The following PLXNA4 variants were observed in gnomAD, a reference collection of about 807,000 sequenced individuals.
PLXNA4 encodes the protein plexin-A4.
Under a neutral mutation model 191.8 loss-of-function variants are expected in PLXNA4, and 44 were observed. The ratio of observed to expected loss-of-function variants is 0.23; its 90% CI spans 0.18 to 0.29. PLXNA4 has a LOEUF of 0.29. Ranked by LOEUF, PLXNA4 falls within the 10% of genes least tolerant of loss-of-function variation. The probability of loss-of-function intolerance (pLI) is 1.00; values close to 1 mark genes in which losing one functional copy is unlikely to be tolerated. For synonymous variants in PLXNA4, 1,082 were observed against 1,009.5 expected (o/e 1.07, Z -1.36); for missense variants, 1,800 against 2,488.8 (o/e 0.72, Z 5.89).
intron 21 of PLXNA4, among the ~76,000 whole-genome samples, chr7:132,171,410 A>G (rs1485382582): frequency 2.0e-5 from 3 of 152,154 alleles, no homozygotes; most frequent in Non-Finnish European, 4.4e-5. Flanking sequence ...ATCTTTCACC[A>G]TATCTAGCCC....
chr7:132,603,113 T>C (rs1014958310), intron 2 of PLXNA4, among the ~76,000 whole-genome samples: 10 of 152,204 alleles, frequency 6.6e-5, no homozygotes, highest in Admixed American at 2.0e-4. Flanking sequence ...TTCCTTTCCA[T>C]AGTATGTTTC....
chr7:132,172,529 T>A (rs1796319361), intron 21 of PLXNA4, among the ~76,000 whole-genome samples: 1 of 152,026 alleles, frequency 6.6e-6, no homozygotes, highest in Admixed American at 6.6e-5. Context: ...AATGGCTTGT[T>A]TCCATACTTA....
intron 3 of PLXNA4, among the ~76,000 whole-genome samples, chr7:132,487,905 G>A (rs569870329): frequency 2.8e-4 from 43 of 152,318 alleles, no homozygotes; most frequent in African/African-American, 1.0e-3. Flanking sequence ...TCACAGAACG[G>A]AGGTATGAAA....
chr7:132,333,930 G>A (rs1019249405), intron 3 of PLXNA4, among the ~76,000 whole-genome samples: 32 of 152,116 alleles, frequency 2.1e-4, no homozygotes, highest in African/African-American at 6.3e-4. Flanking sequence ...CTTCCTCTCC[G>A]GGGTCCTGGA....
chr7:132,389,876 C>T (rs1319979798), intron 3 of PLXNA4, among the ~76,000 whole-genome samples: 2 of 152,132 alleles, frequency 1.3e-5, no homozygotes, highest in Non-Finnish European at 2.9e-5. Flanking sequence ...GATACCATCT[C>T]ACACCAGTTA....
intron 3 of PLXNA4, among the ~76,000 whole-genome samples, chr7:132,481,203 G>A (rs1329363504): frequency 1.3e-5 from 2 of 152,052 alleles, no homozygotes; most frequent in South Asian, 2.1e-4. Context: ...GGATTAAAGA[G>A]GGGAAAATCA....
chr7:132,559,310 G>A (rs556338052), intron 1 of PLXNA4, among the ~76,000 whole-genome samples: 1 of 152,080 alleles, frequency 6.6e-6, no homozygotes, highest in African/African-American at 2.4e-5. Flanking sequence ...CACTTACCCT[G>A]CCCCCTGTTT....
At chr7:132,629,681 G>C (rs1206631346) in intron 2 of PLXNA4, among the ~76,000 whole-genome samples, 1 of 152,194 alleles carries the variant, frequency 6.6e-6, no homozygotes, top group Non-Finnish European at 1.5e-5. Context: ...TTAAACAACA[G>C]AAATTTATTT....
intron 3 of PLXNA4, among the ~76,000 whole-genome samples, chr7:132,316,548 T>C (rs777053683): frequency 6.6e-6 from 1 of 152,202 alleles, no homozygotes; most frequent in African/African-American, 2.4e-5. Context: ...AATAGCTTGG[T>C]GCCTCAAATT....
chr7:132,630,102 G>A lies in PLXNA4; in HGVS notation c.-87+15826C>T, dbSNP rs866432908. Among the ~76,000 whole-genome samples the A allele has an allele frequency of 3.9e-5, 6 of 152,120 alleles. No homozygotes were observed. The South Asian group carries it at 8.3e-4, about 21-fold the overall frequency. ...CCTGACCTTGTGATCCACCTGCCTCGGCCTCCCAAAGTGCTGGGATTACAG... is the reference window on the plus strand; with the variant it reads ...CCTGACCTTGTGATCCACCTGCCTCAGCCTCCCAAAGTGCTGGGATTACAG... On this transcript the variant is annotated intron_variant, in intron 2 of 4. Coordinates refer to the PLXNA4 transcript ENST00000378539.
At chr7:132,391,476 G>A (rs1805409201) in intron 3 of PLXNA4, among the ~76,000 whole-genome samples, 1 of 152,238 alleles carries the variant, frequency 6.6e-6, no homozygotes, top group African/African-American at 2.4e-5. Flanking sequence ...GCAGGATCCT[G>A]GGGCTAGCCA....
chr7:132,640,757 C>T (rs565841171), intron 2 of PLXNA4, among the ~76,000 whole-genome samples: 1 of 145,700 alleles, frequency 6.9e-6, no homozygotes, highest in Admixed American at 7.0e-5. Flanking sequence ...TGTGACACAC[C>T]ATTGTCTTAT....
In PLXNA4 at chr7:132,415,962, T is replaced by C. The variant is rs558684455; in HGVS notation, c.1371+73330A>G. Reference sequence around the variant, plus strand: ...GGGAAAGAATAGATTATAGCTATGCTGTCTGATAACCAGCTACTCGTGGTT... The same window carrying C: ...GGGAAAGAATAGATTATAGCTATGCCGTCTGATAACCAGCTACTCGTGGTT... On this transcript the variant is annotated intron_variant, in intron 3 of 31. Coordinates refer to ENST00000321063, the MANE Select transcript of PLXNA4 (RefSeq NM_020911.2). 4.6e-5 allele frequency among the ~76,000 whole-genome samples: 7 copies of C among 152,390 alleles called. No individual in the cohort carries two copies. The South Asian group carries it at 6.2e-4, about 14-fold the overall frequency.
rs1410539696 is a variant in PLXNA4 at position 132,124,106 on chromosome 7, A to G, written c.*6373T>C. On this transcript the variant is annotated 3_prime_UTR_variant, in exon 32 of 32. Coordinates refer to ENST00000321063, the MANE Select transcript of PLXNA4 (RefSeq NM_020911.2). ...CTTGTTCCTGCTCAAAGCAGCCAAC[A>G]CACGACTAAGCAAAGACCGTATGTC... is the stretch of plus-strand genomic sequence containing the variant. 1 of 152,288 alleles carries G rather than the reference A, an allele frequency of 6.6e-6. No individual in the cohort carries two copies. The highest frequency in any genetic ancestry group is 1.5e-5 in the Non-Finnish European group (1 of 68,062). 9.4% of individuals were successfully genotyped at this position (152,288 alleles called of 1,614,324 possible).
chr7:132,194,327 C>T (rs1584825048), intron 13 of PLXNA4, 148 bp from the exon 14 acceptor site: 16 of 1,312,760 alleles, frequency 1.2e-5, no homozygotes, highest in Non-Finnish European at 1.5e-5. Flanking sequence ...CCTAATTCCT[C>T]CTAGCAGGGG....
chr7:132,228,082 C>CTTTGGTCATT (rs1283550964), intron 6 of PLXNA4, among the ~76,000 whole-genome samples: 7 of 152,122 alleles, frequency 4.6e-5, no homozygotes, highest in Admixed American at 2.6e-4. Context: ...CTTTGTCACC[C>CTTTGGTCATT]TTTGGTCATT....
chr7:132,496,399 C>CA (rs1406733060), intron 2 of PLXNA4, among the ~76,000 whole-genome samples: 1 of 151,840 alleles, frequency 6.6e-6, no homozygotes, highest in Admixed American at 6.6e-5. Context: ...CAAAACAAAA[C>CA]AAAAAAGCCT....
intron 27 of PLXNA4, among the ~76,000 whole-genome samples, chr7:132,147,133 C>A (rs1423157413): frequency 2.0e-5 from 3 of 152,170 alleles, no homozygotes; most frequent in African/African-American, 7.2e-5. Flanking sequence ...CACTGGGTAA[C>A]CTGCTCACCT....
intron 3 of PLXNA4, among the ~76,000 whole-genome samples, chr7:132,330,860 G>A (rs1317928680): frequency 6.6e-6 from 1 of 152,074 alleles, no homozygotes; most frequent in Non-Finnish European, 1.5e-5. Flanking sequence ...AGGGGTTACA[G>A]GTGCTGCTTA....
Sources: gnomAD v4.1 joint callset for allele counts (sites outside exome capture counted in the v4.1 genomes callset) on GRCh38, gnomAD v4.1.1 for gene constraint, MANE v1.5 for transcripts, NCBI Gene and HGNC (gene_info 2026-07-23, HGNC 2026-07-21) for gene names.